Variants in ERBB4 observed in about 807,000 individuals in gnomAD.
The protein encoded by ERBB4 is receptor tyrosine-protein kinase erbB-4.
A neutral mutation model predicts 158.0 loss-of-function variants in ERBB4; 42 were observed. The observed-to-expected ratio is 0.27, with a 90% confidence interval of 0.21 to 0.34. ERBB4 has a LOEUF of 0.34. ERBB4 is among the 10% of genes least tolerant of loss of function. ERBB4 has a pLI of 1.00. For synonymous variants in ERBB4, 583 were observed against 558.7 expected, an observed-to-expected ratio of 1.04 and a Z score of -0.61; for missense variants, 1,333 against 1,624.1, an observed-to-expected ratio of 0.82 and a Z score of 3.08.
At chr2:211,387,436 C>G (rs1417075019) in intron 26 of ERBB4, among the ~76,000 whole-genome samples, 1 of 152,138 alleles carries the variant, frequency 6.6e-6, no homozygotes, top group East Asian at 1.9e-4. Context: ...CCTTTTCCCA[C>G]AAGTGCCTAT....
chr2:212,130,514 A>G lies in ERBB4; in HGVS notation c.83-5611T>C, dbSNP rs1352919060. Among the ~76,000 whole-genome samples, 7 of 152,140 alleles carry G rather than the reference A, an allele frequency of 4.6e-5. 1 individual carries two copies. Among genetic ancestry groups the G allele is most frequent in the African/African-American group, 1.7e-4 (7 of 41,446 alleles). ...ATTTGATTCATGGGGAAATATATTAAAAGTAAAATAATGAAACCTTAACAA... is the reference window on the plus strand; with the variant it reads ...ATTTGATTCATGGGGAAATATATTAGAAGTAAAATAATGAAACCTTAACAA... On this transcript the variant is annotated intron_variant, in intron 1 of 27. Coordinates refer to ENST00000342788, the MANE Select transcript of ERBB4 (RefSeq NM_005235.3).
intron 1 of ERBB4, among the ~76,000 whole-genome samples, chr2:212,295,935 G>A (rs1387902685): frequency 6.6e-6 from 1 of 151,992 alleles, no homozygotes; most frequent in Non-Finnish European, 1.5e-5. Flanking sequence ...ATTCATCAAA[G>A]CCATATTTCA....
intron 22 of ERBB4, among the ~76,000 whole-genome samples, chr2:211,425,423 G>T (rs888715229): frequency 1.1e-4 from 17 of 151,268 alleles, no homozygotes; most frequent in Admixed American, 3.3e-4. Context: ...TGATTTTTTT[G>T]GTTAATATTT....
intron 2 of ERBB4, among the ~76,000 whole-genome samples, chr2:212,035,797 A>T (rs1232293681): frequency 6.6e-6 from 1 of 152,228 alleles, no homozygotes; most frequent in Non-Finnish European, 1.5e-5. Flanking sequence ...TTCAAAGAAT[A>T]AGTGAATGGA....
At chr2:211,395,853 G>A (rs1278442503) in intron 25 of ERBB4, among the ~76,000 whole-genome samples, 6 of 152,010 alleles carry the variant, frequency 3.9e-5, no homozygotes, top group Non-Finnish European at 8.8e-5. Context: ...CTTATTGTCA[G>A]TTGATATACT....
chr2:211,563,349 C>A (rs2067458262), intron 19 of ERBB4, among the ~76,000 whole-genome samples: 1 of 152,092 alleles, frequency 6.6e-6, no homozygotes, highest in Non-Finnish European at 1.5e-5. Context: ...TATGTAATAT[C>A]ACCTACGTAG....
At chr2:212,190,550 A>AG (rs2082159190) in intron 1 of ERBB4, among the ~76,000 whole-genome samples, 11 of 146,924 alleles carry the variant, frequency 7.5e-5, no homozygotes, top group African/African-American at 2.5e-4. Flanking sequence ...AAAAAAAAAA[A>AG]AAGAAGAAGA....
At chr2:211,468,026 A>C (rs1017081951) in intron 20 of ERBB4, among the ~76,000 whole-genome samples, 3 of 152,198 alleles carry the variant, frequency 2.0e-5, no homozygotes, top group Non-Finnish European at 4.4e-5. Context: ...AGATGGAGAT[A>C]AATAATGTGG....
intron 25 of ERBB4, among the ~76,000 whole-genome samples, chr2:211,401,716 A>G (rs1052622923): frequency 2.0e-5 from 3 of 152,020 alleles, no homozygotes; most frequent in African/African-American, 7.2e-5. Context: ...AGAAAGATGC[A>G]CCTTGGAAAG....
At chr2:211,881,844 T>C (rs377182507) in intron 3 of ERBB4, among the ~76,000 whole-genome samples, 2 of 152,142 alleles carry the variant, frequency 1.3e-5, no homozygotes, top group African/African-American at 4.8e-5. Context: ...CCCTTGATAT[T>C]TGTAGCCATG....
At chr2:212,388,176 A>T (rs1261134216) in intron 1 of ERBB4, among the ~76,000 whole-genome samples, 1 of 152,128 alleles carries the variant, frequency 6.6e-6, no homozygotes, top group Non-Finnish European at 1.5e-5. Flanking sequence ...AGAGTTTTAT[A>T]AAAAGATACA....
chr2:211,864,132 C>T (rs1474426924), intron 3 of ERBB4, among the ~76,000 whole-genome samples: 1 of 152,212 alleles, frequency 6.6e-6, no homozygotes, highest in South Asian at 2.1e-4. Flanking sequence ...GTGCCTGCCC[C>T]TTCAGTAGCT....
chr2:211,936,458 A>T (rs2080324594), intron 3 of ERBB4, among the ~76,000 whole-genome samples: 1 of 152,054 alleles, frequency 6.6e-6, no homozygotes, highest in African/African-American at 2.4e-5. Context: ...ATTCTTCAAA[A>T]TTGTTATAGT....
intron 2 of ERBB4, among the ~76,000 whole-genome samples, chr2:212,031,280 T>C (rs969394983): frequency 2.6e-5 from 4 of 152,154 alleles, no homozygotes; most frequent in Non-Finnish European, 4.4e-5. Flanking sequence ...GACCAGTCAT[T>C]CAAATGTTTC....
chr2:212,292,930 C>CA (rs1334787009), intron 1 of ERBB4, among the ~76,000 whole-genome samples: 2 of 151,574 alleles, frequency 1.3e-5, no homozygotes, highest in African/African-American at 4.9e-5. Context: ...ATCAAATCAA[C>CA]AAAATAAATG....
At chr2:211,606,241 T>C (rs2068974117) in intron 19 of ERBB4, among the ~76,000 whole-genome samples, 1 of 152,112 alleles carries the variant, frequency 6.6e-6, no homozygotes, top group Non-Finnish European at 1.5e-5. Flanking sequence ...AGCGGAATTA[T>C]ATCTGGGCTA....
chr2:212,309,095 C>T (rs577108793), intron 1 of ERBB4, among the ~76,000 whole-genome samples: 1 of 150,966 alleles, frequency 6.6e-6, no homozygotes, highest in South Asian at 2.1e-4. Context: ...GAAGCAAGCT[C>T]ACCTAACATC....
At chr2:211,649,614 A>AT (rs923469017) in intron 16 of ERBB4, among the ~76,000 whole-genome samples, 3 of 151,818 alleles carry the variant, frequency 2.0e-5, no homozygotes, top group East Asian at 3.9e-4. Flanking sequence ...CAACAAGTAA[A>AT]TTTTTTATGG....
At chr2:212,270,641 C>A (rs901897141) in intron 1 of ERBB4, among the ~76,000 whole-genome samples, 1 of 151,706 alleles carries the variant, frequency 6.6e-6, no homozygotes, top group Non-Finnish European at 1.5e-5. Flanking sequence ...GAACTTTCTA[C>A]GTTTTTTGGC....
Sources: gnomAD v4.1 joint callset for allele counts (sites outside exome capture counted in the v4.1 genomes callset) on GRCh38, gnomAD v4.1.1 for gene constraint, MANE v1.5 for transcripts, NCBI Gene and HGNC (gene_info 2026-07-23, HGNC 2026-07-21) for gene names.